KIAA1671: variants seen among roughly 807,000 people sequenced by gnomAD.
KIAA1671 encodes the protein uncharacterized protein KIAA1671.
A neutral mutation model predicts 131.2 loss-of-function variants in KIAA1671; 52 were observed. The ratio of observed to expected loss-of-function variants is 0.40; its 90% CI spans 0.32 to 0.50. The LOEUF (loss-of-function observed/expected upper bound fraction) is 0.50. Among genes scored for constraint, KIAA1671 ranks in the 20% least tolerant of loss-of-function variants. KIAA1671 has a pLI of 0.73. For missense variants in KIAA1671, 2,360 were observed against 2,364.2 expected (o/e 1.00, Z 0.04); for synonymous variants, 1,003 against 961.6 (o/e 1.04, Z -0.80).
intron 11 of KIAA1671, among the ~76,000 whole-genome samples, chr22:25,189,959 G>A (rs781220808): frequency 6.6e-6 from 1 of 152,098 alleles, no homozygotes; most frequent in Non-Finnish European, 1.5e-5. Flanking sequence ...CAGATATATC[G>A]TGATTTATTT....
intron 6 of KIAA1671, among the ~76,000 whole-genome samples, chr22:25,100,730 C>G (rs1220406798): frequency 6.6e-6 from 1 of 152,204 alleles, no homozygotes. Context: ...TGAGACTATG[C>G]TTACTACAAA....
At chr22:24,973,119 G>C (rs558315646) in intron 1 of KIAA1671, among the ~76,000 whole-genome samples, 4 of 152,188 alleles carry the variant, frequency 2.6e-5, no homozygotes, top group Non-Finnish European at 5.9e-5. Flanking sequence ...AGGTTCAGGG[G>C]GCCAGGCTAG....
intron 6 of KIAA1671, among the ~76,000 whole-genome samples, chr22:25,073,790 A>G (rs1408715031): frequency 6.6e-6 from 1 of 152,130 alleles, no homozygotes; most frequent in East Asian, 1.9e-4. Flanking sequence ...TCTGCCTCCC[A>G]GGTTCAAGCA....
At chr22:25,191,136 A>G (rs2146055009) in intron 12 of KIAA1671, among the ~76,000 whole-genome samples, 1 of 148,202 alleles carries the variant, frequency 6.7e-6, no homozygotes, top group Admixed American at 6.9e-5. Context: ...GCTTAATTAG[A>G]AATGGTTACT....
intron 1 of KIAA1671, among the ~76,000 whole-genome samples, chr22:25,002,949 T>A (rs939684775): frequency 3.3e-5 from 5 of 152,094 alleles, no homozygotes; most frequent in Admixed American, 6.6e-5. Context: ...CCCAGCTAAT[T>A]TTTGTAGAGA....
chr22:25,103,344 G>A (rs1568957122), intron 6 of KIAA1671, among the ~76,000 whole-genome samples: 2 of 151,980 alleles, frequency 1.3e-5, no homozygotes, highest in Non-Finnish European at 2.9e-5. Context: ...CCGGGTAGCT[G>A]GGATTACAGG....
chr22:24,965,740 C>CAAA (rs767916092), intron 1 of KIAA1671, among the ~76,000 whole-genome samples: 11 of 45,816 alleles, frequency 2.4e-4, no homozygotes, highest in East Asian at 1.2e-3. Flanking sequence ...AACTCCATCT[C>CAAA]AAAAAAAAAA....
intron 1 of KIAA1671, chr22:25,014,913 GC>G (rs1487413278): frequency 6.6e-6 from 1 of 152,100 alleles, no homozygotes; most frequent in East Asian, 1.9e-4. Flanking sequence ...GCAGGGGTCA[GC>G]AAATTTTGTC....
At chr22:25,077,872 G>A (rs984043016) in intron 6 of KIAA1671, among the ~76,000 whole-genome samples, 18 of 152,228 alleles carry the variant, frequency 1.2e-4, no homozygotes, top group South Asian at 2.1e-4. Context: ...CTCACTCAGC[G>A]TGTAATCACC....
intron 6 of KIAA1671, among the ~76,000 whole-genome samples, chr22:25,126,647 T>C (rs1230900602): frequency 6.6e-6 from 1 of 152,182 alleles, no homozygotes; most frequent in Non-Finnish European, 1.5e-5. Flanking sequence ...AGTTCACTTC[T>C]TTTTTTGTTA....
intron 6 of KIAA1671, among the ~76,000 whole-genome samples, chr22:25,147,985 TC>T (rs1372827033): frequency 1.3e-5 from 1 of 79,914 alleles, no homozygotes; most frequent in African/African-American, 5.4e-5. Context: ...TTCCCCTCCC[TC>T]CCTCCCTCCC....
intron 6 of KIAA1671, among the ~76,000 whole-genome samples, chr22:25,114,472 T>C (rs1931552670): frequency 6.6e-6 from 1 of 152,246 alleles, no homozygotes; most frequent in African/African-American, 2.4e-5. Context: ...ATGTGCAGTG[T>C]TGCAGATAAG....
chr22:25,005,002 G>A (rs1411130217), intron 1 of KIAA1671, among the ~76,000 whole-genome samples: 1 of 151,656 alleles, frequency 6.6e-6, no homozygotes, highest in Non-Finnish European at 1.5e-5. Context: ...CTCACTAACT[G>A]TCAATCAGTG....
At chr22:25,075,718 C>G (rs537363396) in intron 6 of KIAA1671, among the ~76,000 whole-genome samples, 1 of 148,094 alleles carries the variant, frequency 6.8e-6, no homozygotes, top group African/African-American at 2.5e-5. Context: ...AGGATGGTCT[C>G]TATCTCCCAA....
intron 11 of KIAA1671, 75 bp downstream of exon 11, chr22:25,185,194 G>A (rs1934434169): frequency 1.4e-6 from 2 of 1,396,242 alleles, no homozygotes; most frequent in Non-Finnish European, 1.9e-6. Flanking sequence ...GCTCGCATAG[G>A]TTTTAGAGCT....
chr22:25,149,550 C>G (rs1370829427), intron 6 of KIAA1671, among the ~76,000 whole-genome samples: 7 of 152,148 alleles, frequency 4.6e-5, no homozygotes, highest in Admixed American at 4.6e-4. Flanking sequence ...TGCCTCCTCC[C>G]TTCTCTGAGC....
intron 5 of KIAA1671, among the ~76,000 whole-genome samples, chr22:25,041,937 T>C (rs1028757305): frequency 2.6e-5 from 4 of 152,016 alleles, no homozygotes; most frequent in African/African-American, 9.7e-5. Context: ...AGAGACAGGG[T>C]TTTGCCATGT....
intron 3 of KIAA1671, among the ~76,000 whole-genome samples, chr22:25,031,551 C>T (rs1472894228): frequency 3.3e-5 from 5 of 151,846 alleles, no homozygotes; most frequent in South Asian, 2.1e-4. Context: ...AGGCTGTTCT[C>T]GAACTTCTGA....
chr22:25,135,619 C>T (rs1275253190), intron 6 of KIAA1671, among the ~76,000 whole-genome samples: 1 of 152,194 alleles, frequency 6.6e-6, no homozygotes, highest in African/African-American at 2.4e-5. Context: ...TAATTAACAC[C>T]TCTTAATTGG....
Sources: allele counts gnomAD v4.1 joint callset (sites outside exome capture counted in the v4.1 genomes callset), GRCh38; gene constraint gnomAD v4.1.1; transcripts MANE v1.5; gene names NCBI Gene and HGNC (gene_info 2026-07-23, HGNC 2026-07-21).